Variants in CCDC146 observed in about 807,000 individuals in gnomAD.
CCDC146 encodes coiled-coil domain containing 146, also known as coiled-coil domain-containing protein 146.
Under a neutral mutation model 119.3 loss-of-function variants are expected in CCDC146, and 92 were observed. The ratio of observed to expected loss-of-function variants is 0.77; its 90% CI spans 0.65 to 0.92. CCDC146 has a LOEUF of 0.92. Ranked by LOEUF, CCDC146 falls within the 40% of genes least tolerant of loss-of-function variation. The pLI is 0.00. For synonymous variants in CCDC146, 372 were observed against 371.8 expected (o/e 1.00, Z -0.01); for missense variants, 1,000 against 1,103.0 (o/e 0.91, Z 1.32).
At chr7:77,209,746 C>T (rs1465809411) in intron 2 of CCDC146, among the ~76,000 whole-genome samples, 1 of 152,234 alleles carries the variant, frequency 6.6e-6, no homozygotes, top group African/African-American at 2.4e-5. Context: ...TCCAAAACCT[C>T]AACTCTTGCC....
At chr7:77,268,645 T>C (rs900318083) in intron 9 of CCDC146, among the ~76,000 whole-genome samples, 3 of 152,138 alleles carry the variant, frequency 2.0e-5, no homozygotes, top group Admixed American at 1.3e-4. Context: ...ATGAGAAAAA[T>C]GTTAGTGAAA....
intron 9 of CCDC146, among the ~76,000 whole-genome samples, chr7:77,270,985 T>TGTAATGGGTG (rs1793499828): frequency 6.6e-6 from 1 of 151,430 alleles, no homozygotes; most frequent in Admixed American, 6.6e-5. Flanking sequence ...CATTGGCTTG[T>TGTAATGGGTG]CTTAGCTCAT....
At chr7:77,253,060 C>T (rs531987089) in intron 4 of CCDC146, among the ~76,000 whole-genome samples, 3 of 152,376 alleles carry the variant, frequency 2.0e-5, no homozygotes, top group Non-Finnish European at 2.9e-5. Context: ...TCCTTATAAA[C>T]TTAGCCAATG....
intron 1 of CCDC146, among the ~76,000 whole-genome samples, chr7:77,137,149 A>G (rs1486441270): frequency 1.3e-5 from 2 of 152,016 alleles, no homozygotes; most frequent in Non-Finnish European, 2.9e-5. Flanking sequence ...TGTAGCTAAC[A>G]TCATACTTAA....
rs998266302 is a variant in CCDC146 at position 77,132,894 on chromosome 7, G to A, written c.-12+10162G>A. Among the ~76,000 whole-genome samples the A allele has an allele frequency of 2.0e-5, 3 of 151,616 alleles. No individual in the cohort carries two copies. The East Asian group carries it at 5.9e-4, about 30-fold the overall frequency. On this transcript the variant is annotated intron_variant, in intron 1 of 18. Coordinates refer to ENST00000285871, the MANE Select transcript of CCDC146 (RefSeq NM_020879.3). Reference sequence around the variant, plus strand: ...TTTTTTAAAAAGTGTTTGGTAGGCCGGGCACGGTGGCTTATGCCTGTAATC... The same window carrying A: ...TTTTTTAAAAAGTGTTTGGTAGGCCAGGCACGGTGGCTTATGCCTGTAATC...
At chr7:77,257,114 C>T (rs905303965) in intron 6 of CCDC146, 3 of 153,156 alleles carry the variant, frequency 2.0e-5, no homozygotes, top group Admixed American at 6.6e-5. Flanking sequence ...TCAAAAACAA[C>T]AACAACAACA....
intron 2 of CCDC146, among the ~76,000 whole-genome samples, chr7:77,212,186 A>C (rs1318003707): frequency 6.6e-6 from 1 of 152,218 alleles, no homozygotes; most frequent in African/African-American, 2.4e-5. Flanking sequence ...ATAGTACAGT[A>C]AGGTGACTAT....
chr7:77,206,663 A>C (rs930993705), intron 2 of CCDC146, among the ~76,000 whole-genome samples: 13 of 142,216 alleles, frequency 9.1e-5, no homozygotes, highest in Non-Finnish European at 1.9e-4. Flanking sequence ...ATATATATAT[A>C]TATATATATA....
chr7:77,262,234 T>C lies in CCDC146; in HGVS notation c.1100T>C (p.Met367Thr). ...CGAGATTTTCGAAATTTAAGAAAGA[T>C]GGAACTGCTCTTGAAAGTGTCCTGG... ...KERDFRNLRK[M>T]ELLLKVSWDA... Residue 367 changes from methionine (M) to threonine (T), a missense_variant, in exon 9 of 19, where the codon ATG becomes ACG. Met to Thr is a moderately conservative substitution (Grantham distance 81, BLOSUM62 -1). Transcript: ENST00000285871. 2 of 1,614,050 alleles carry C rather than the reference T, an allele frequency of 1.2e-6. No homozygotes were observed. The highest frequency in any genetic ancestry group is 1.7e-6 in the Non-Finnish European group (2 of 1,179,976).
Position 77,277,259 on chromosome 7 carries a change from A to G in CCDC146, c.1441-1493A>G, listed in dbSNP as rs371794537. 3.3e-5 allele frequency among the ~76,000 whole-genome samples: 5 copies of G among 152,222 alleles called. No individual in the cohort carries two copies. In the East Asian group the frequency reaches 9.6e-4, roughly 29 times the overall value. ...TTTTCTCTTTAGAAATTACAGAAAC[A>G]CCAGAGGTATACTTATTTGTTATAA... is the stretch of plus-strand genomic sequence containing the variant. On this transcript the variant is annotated intron_variant, in intron 11 of 18. Transcript: ENST00000285871.
At chr7:77,262,422 A>G (rs557258909) in intron 9 of CCDC146, 115 bp downstream of exon 9, 1 of 762,452 alleles carries the variant, frequency 1.3e-6, no homozygotes, top group Non-Finnish European at 2.0e-6. Context: ...CAAGTAACAG[A>G]GAAAAGGTAA....
intron 18 of CCDC146, 132 bp downstream of exon 18, chr7:77,293,332 G>A (rs1793985100): frequency 3.2e-6 from 3 of 949,188 alleles, no homozygotes; most frequent in Non-Finnish European, 4.7e-6. Context: ...GTCGTTAGAA[G>A]TGTATTTAAG....
intron 2 of CCDC146, among the ~76,000 whole-genome samples, chr7:77,197,202 T>A (rs1038454738): frequency 2.0e-4 from 31 of 152,222 alleles, no homozygotes; most frequent in African/African-American, 7.0e-4. Flanking sequence ...TCTTGGTTGG[T>A]AGTAATAATG....
In CCDC146 at chr7:77,260,207, A is replaced by G. The variant is rs61746087; in HGVS notation, c.957A>G (p.Arg319=). The change falls in exon 8 of 19, where the codon AGA becomes AGG. Residue 319 remains arginine (R), a synonymous_variant. Coordinates refer to ENST00000285871, the MANE Select transcript of CCDC146 (RefSeq NM_020879.3). ...TGGTCAAGCTATTGGAATTAGCCAG[A>G]GAGAATGAAGCAACTTCATTAACTG... The part of the protein sequence containing the change: ...NQLVKLLELA[R]ENEATSLTER... The G allele has an allele frequency of 0.04, 64,706 of 1,613,270 alleles. 1,472 individuals carry two copies. The highest frequency in any genetic ancestry group is 0.048 in the Non-Finnish European group (56,311 of 1,179,700).
intron 9 of CCDC146, among the ~76,000 whole-genome samples, chr7:77,265,221 C>T (rs749461396): frequency 2.0e-5 from 3 of 152,126 alleles, no homozygotes; most frequent in East Asian, 1.9e-4. Context: ...AAAGTACTGA[C>T]GGAAACCTCA....
At chr7:77,248,334 T>C (rs1414962415) in intron 4 of CCDC146, among the ~76,000 whole-genome samples, 1 of 152,190 alleles carries the variant, frequency 6.6e-6, no homozygotes, top group Admixed American at 6.5e-5. Flanking sequence ...ATGTATATAA[T>C]TTGAGTGATG....
intron 1 of CCDC146, among the ~76,000 whole-genome samples, chr7:77,129,164 A>C (rs1164395209): frequency 6.6e-6 from 1 of 152,092 alleles, no homozygotes; most frequent in Non-Finnish European, 1.5e-5. Flanking sequence ...TAAATTGCAC[A>C]CAGTTCTGAG....
At chr7:77,198,333 A>G (rs1366936316) in intron 2 of CCDC146, 3 of 985,104 alleles carry the variant, frequency 3.0e-6, no homozygotes, top group South Asian at 4.7e-5. Flanking sequence ...TAGAGGTCCA[A>G]ATGCGGAGAT....
At chr7:77,238,255 C>G (rs1792776610) in intron 3 of CCDC146, among the ~76,000 whole-genome samples, 1 of 152,074 alleles carries the variant, frequency 6.6e-6, no homozygotes, top group Non-Finnish European at 1.5e-5. Flanking sequence ...TCTCAGAGTT[C>G]TCAAGGCTCA....
Sources: allele counts gnomAD v4.1 joint callset (sites outside exome capture counted in the v4.1 genomes callset), GRCh38; gene constraint gnomAD v4.1.1; transcripts MANE v1.5; gene names NCBI Gene and HGNC (gene_info 2026-07-23, HGNC 2026-07-21).